PRKG1: variants seen among roughly 807,000 people sequenced by gnomAD.
PRKG1 encodes protein kinase cGMP-dependent 1.
PRKG1 carries 35 observed loss-of-function variants against 88.1 expected under a neutral mutation model. That is an observed-to-expected ratio of 0.40 (90% CI 0.30 to 0.53). The LOEUF is 0.53. PRKG1 is among the 20% of genes least tolerant of loss of function. PRKG1 has a pLI of 0.59. For missense variants in PRKG1, 540 were observed against 839.8 expected (o/e 0.64, Z 4.41); for synonymous variants, 303 against 292.5 (o/e 1.04, Z -0.37).
intron 3 of PRKG1, among the ~76,000 whole-genome samples, chr10:51,801,495 G>A (rs896088702): frequency 6.6e-6 from 1 of 152,132 alleles, no homozygotes; most frequent in African/African-American, 2.4e-5. Flanking sequence ...GGCAGGGACT[G>A]TGAATTTGTT....
chr10:52,198,418 A>G (rs1406387190), intron 9 of PRKG1, among the ~76,000 whole-genome samples: 2 of 152,232 alleles, frequency 1.3e-5, no homozygotes, highest in Admixed American at 1.3e-4. Context: ...ATCTAACTCA[A>G]GAGAAAGGAA....
At chr10:51,471,772 T>A (rs1198386230) in intron 3 of PRKG1, among the ~76,000 whole-genome samples, 1 of 151,900 alleles carries the variant, frequency 6.6e-6, no homozygotes, top group Non-Finnish European at 1.5e-5. Flanking sequence ...GGTCATGTAC[T>A]ATTCAAATGG....
chr10:52,216,779 C>CA (rs1488394846), intron 9 of PRKG1, among the ~76,000 whole-genome samples: 2 of 152,104 alleles, frequency 1.3e-5, no homozygotes, highest in Non-Finnish European at 2.9e-5. Flanking sequence ...TTAAATGGAT[C>CA]AAAATGTCTC....
intron 9 of PRKG1, among the ~76,000 whole-genome samples, chr10:52,241,552 C>T (rs113585905): frequency 1.9e-4 from 29 of 152,122 alleles, no homozygotes; most frequent in African/African-American, 6.0e-4. Flanking sequence ...ATTATACTGT[C>T]TTTTTATTGT....
chr10:51,378,884 C>T (rs1020279302), intron 2 of PRKG1, among the ~76,000 whole-genome samples: 1 of 152,118 alleles, frequency 6.6e-6, no homozygotes, highest in African/African-American at 2.4e-5. Flanking sequence ...ATGGTTTTCC[C>T]AGTGTATTAA....
chr10:51,951,045 A>G (rs1056727168), intron 5 of PRKG1, among the ~76,000 whole-genome samples: 2 of 152,210 alleles, frequency 1.3e-5, no homozygotes, highest in African/African-American at 4.8e-5. Flanking sequence ...ACAACATTCA[A>G]TTGGATAAAA....
chr10:51,383,603 C>T (rs1371873733), intron 2 of PRKG1, among the ~76,000 whole-genome samples: 1 of 152,140 alleles, frequency 6.6e-6, no homozygotes, highest in African/African-American at 2.4e-5. Context: ...AACCAGGAAG[C>T]TCTAGAATAC....
chr10:52,167,365 C>A (rs1395124084), intron 9 of PRKG1, among the ~76,000 whole-genome samples: 1 of 152,112 alleles, frequency 6.6e-6, no homozygotes, highest in Admixed American at 6.5e-5. Flanking sequence ...CCCTATAACC[C>A]AAACACCTCC....
At chr10:51,926,628 C>G (rs1417550564) in intron 5 of PRKG1, among the ~76,000 whole-genome samples, 1 of 151,886 alleles carries the variant, frequency 6.6e-6, no homozygotes, top group African/African-American at 2.4e-5. Flanking sequence ...TTTCCAGCGG[C>G]TAGAATTGTC....
chr10:52,153,450 A>C (rs535210421), intron 8 of PRKG1, among the ~76,000 whole-genome samples: 14 of 152,204 alleles, frequency 9.2e-5, no homozygotes, highest in Non-Finnish European at 1.8e-4. Flanking sequence ...GTGAAATAGC[A>C]ATTCTCCATT....
chr10:51,693,669 TG>T (rs748160341), intron 3 of PRKG1, among the ~76,000 whole-genome samples: 13 of 152,128 alleles, frequency 8.5e-5, no homozygotes, highest in Non-Finnish European at 1.8e-4. Context: ...CCCAAAGTGC[TG>T]GGATTACAGG....
At chr10:51,157,714 T>C (rs929319661) in intron 2 of PRKG1, among the ~76,000 whole-genome samples, 1 of 151,944 alleles carries the variant, frequency 6.6e-6, no homozygotes, top group Non-Finnish European at 1.5e-5. Context: ...AGCAGATAAA[T>C]TTCATTTTAA....
rs1491310201 is a variant in PRKG1, at chr10:51,570,067, A to ATATATATATATATATATATATATATGTG, written c.592+102232_592+102233insATATATATATATATATATATATATGTGT. ...CAAACTAGTATATATATATATATAT[A>ATATATATATATATATATATATATATGTG]TGTGTGTGTGTGTTTATATATGTAT... On this transcript the variant is annotated intron_variant, in intron 3 of 17. Transcript: ENST00000373980. 2.6e-3 allele frequency among the ~76,000 whole-genome samples: 293 copies of ATATATATATATATATATATATATATGTG among 112,920 alleles called. 1 individual carries two copies. The highest frequency in any genetic ancestry group is 5.0e-3 in the Middle Eastern group (1 of 202). 74.1% of individuals were successfully genotyped at this position (112,920 alleles called of 152,430 possible). A position where few individuals can be genotyped will look rare whatever the true frequency, so the allele number is the denominator to read the frequency against.
intron 3 of PRKG1, among the ~76,000 whole-genome samples, chr10:51,675,255 A>G (rs1840680980): frequency 6.6e-6 from 1 of 152,172 alleles, no homozygotes; most frequent in Admixed American, 6.6e-5. Flanking sequence ...TATGTCCTAA[A>G]CTATTTGGGA....
At chr10:51,697,843 G>C in intron 3 of PRKG1, 2 of 1,614,126 alleles carry the variant, frequency 1.2e-6, no homozygotes, top group Non-Finnish European at 1.7e-6. Flanking sequence ...CCTGTGGAGT[G>C]ACCTGGCTCT....
At chr10:52,121,323 T>G (rs561468252) in intron 7 of PRKG1, among the ~76,000 whole-genome samples, 5 of 152,200 alleles carry the variant, frequency 3.3e-5, no homozygotes, top group Non-Finnish European at 7.3e-5. Flanking sequence ...AGGATCTATC[T>G]TCCTTCCATC....
chr10:51,362,599 C>T (rs1266334472), intron 2 of PRKG1, among the ~76,000 whole-genome samples: 1 of 151,680 alleles, frequency 6.6e-6, no homozygotes, highest in African/African-American at 2.4e-5. Flanking sequence ...TTAAATTATA[C>T]TTTTAAGGAA....
rs73340403 is a variant in PRKG1 at position 51,090,747 on chromosome 10, A to G, written c.311+15846A>G. Among the ~76,000 whole-genome samples the G allele has an allele frequency of 6.8e-3, 1,043 of 152,314 alleles. 14 individuals carry two copies. Among genetic ancestry groups the G allele is most frequent in the African/African-American group, 0.024 (982 of 41,566 alleles). The stretch of plus-strand genomic sequence containing the variant: ...ACATTTGCAGCCACTATATATGTAG[A>G]CTATGGCATTGCTGCTCTGGTTGAA... On this transcript the variant is annotated intron_variant, in intron 1 of 17. Coordinates refer to ENST00000373980, the MANE Select transcript of PRKG1 (RefSeq NM_006258.4).
chr10:52,219,691 GTTAT>G (rs1206874579), intron 9 of PRKG1, among the ~76,000 whole-genome samples: 25 of 152,190 alleles, frequency 1.6e-4, no homozygotes, highest in African/African-American at 6.0e-4. Flanking sequence ...TCATCCTCTT[GTTAT>G]TTATTGTTAA....
Sources: gnomAD v4.1 joint callset for allele counts (sites outside exome capture counted in the v4.1 genomes callset) on GRCh38, gnomAD v4.1.1 for gene constraint, MANE v1.5 for transcripts, NCBI Gene and HGNC (gene_info 2026-07-23, HGNC 2026-07-21) for gene names.